The following MRPL42 variants were observed in gnomAD, a reference collection of about 807,000 sequenced individuals.
MRPL42 encodes large ribosomal subunit protein mL42.
Under a neutral mutation model 17.9 loss-of-function variants are expected in MRPL42, and 17 were observed. That is an observed-to-expected ratio of 0.95 (90% CI 0.65 to 1.42). The LOEUF (loss-of-function observed/expected upper bound fraction) is 1.42, where lower values mean the gene tolerates loss of function less well. Ranked by LOEUF, MRPL42 falls within the 40% of genes most tolerant of loss-of-function variation. The pLI is 0.00. For missense variants in MRPL42, 177 were observed against 175.2 expected (o/e 1.01, Z -0.06); for synonymous variants, 59 against 54.4 (o/e 1.08, Z -0.37).
chr12:93,479,487 AT>A lies in MRPL42; in HGVS notation c.219+18del, dbSNP rs1880354103. On this transcript the variant is annotated intron_variant, in intron 4 of 5. Transcript: ENST00000549982. ...AACACACAAAAGTATGTATGAGAAA[AT>A]TTCTTGCAGTTTTTAATTTGCTGTT... 1 of 1,574,284 alleles carries A rather than the reference AT, an allele frequency of 6.4e-7. No homozygotes were observed. The highest frequency in any genetic ancestry group is 8.7e-7 in the Non-Finnish European group (1 of 1,149,998).
In MRPL42 at chr12:93,472,957, A is replaced by G. The variant is rs79233394; in HGVS notation, c.70+3602A>G. Among the ~76,000 whole-genome samples, 1,314 of 152,308 alleles carry G rather than the reference A, an allele frequency of 8.6e-3. 15 individuals carry two copies. The highest frequency in any genetic ancestry group is 0.03 in the African/African-American group (1,268 of 41,584). ...AACAAAAACTGTGACCAAAATCTGG[A>G]TCTCCCACCTTACTTTGTCCTGTAT... On this transcript the variant is annotated intron_variant, in intron 2 of 5. Transcript: ENST00000549982.
In MRPL42 at chr12:93,507,502, A is replaced by C. The variant is rs1196667558; in HGVS notation, c.*6281A>C. The C allele has an allele frequency of 2.6e-5, 4 of 152,336 alleles. No individual in the cohort carries two copies. In the East Asian group the frequency reaches 7.7e-4, roughly 29 times the overall value. The allele number at this position is 152,336 out of a possible 1,614,324, so 9.4% of individuals were successfully genotyped here. On this transcript the variant is annotated 3_prime_UTR_variant, in exon 6 of 6. Coordinates refer to ENST00000549982, the MANE Select transcript of MRPL42 (RefSeq NM_014050.4). ...GTTCTATCTTTTAAGGGAACTTTGGATGAATCCTTGAATATCAGTTATCTA... is the reference window on the plus strand; with the variant it reads ...GTTCTATCTTTTAAGGGAACTTTGGCTGAATCCTTGAATATCAGTTATCTA...
At chr12:93,489,562 C>G (rs1953373333) in intron 5 of MRPL42, among the ~76,000 whole-genome samples, 5 of 151,836 alleles carry the variant, frequency 3.3e-5, no homozygotes, top group Admixed American at 3.3e-4. Flanking sequence ...GAGACATAGT[C>G]TTGCTCTGTC....
intron 4 of MRPL42, among the ~76,000 whole-genome samples, chr12:93,485,029 A>C (rs12826418): frequency 0.015 from 368 of 24,922 alleles, no homozygotes; most frequent in Middle Eastern, 0.031. Context: ...TATATATATA[A>C]ACAGAGATGG....
chr12:93,502,594 A>G lies in MRPL42; in HGVS notation c.*1373A>G, dbSNP rs1300010073. The G allele has an allele frequency of 6.6e-6, 1 of 152,212 alleles. No homozygotes were observed. The highest frequency in any genetic ancestry group is 1.5e-5 in the Non-Finnish European group (1 of 68,032). The allele number at this position is 152,212 out of a possible 1,614,324, so 9.4% of individuals were successfully genotyped here. A position where few individuals can be genotyped will look rare whatever the true frequency, so the allele number is the denominator to read the frequency against. Reference sequence around the variant, plus strand: ...AGTGGTTTACTTTTTCCATTAATATAAATTTCATTTGGAAAGATTAAAAAA... The same window carrying G: ...AGTGGTTTACTTTTTCCATTAATATGAATTTCATTTGGAAAGATTAAAAAA... On this transcript the variant is annotated 3_prime_UTR_variant, in exon 6 of 6. Transcript: ENST00000549982.
At position 93,487,480 on chromosome 12, in the gene MRPL42, T is replaced by C. The variant is rs188110370; in HGVS notation, c.220-17T>C. ...ATTCCCACATCTTCATGATGTTTGTTACTGATTATTTTGTAGCCTATCCCT... is the reference window on the plus strand; with the variant it reads ...ATTCCCACATCTTCATGATGTTTGTCACTGATTATTTTGTAGCCTATCCCT... On this transcript the variant is annotated splice_polypyrimidine_tract_variant and intron_variant, in intron 4 of 5. Transcript: ENST00000549982. 14 of 1,599,714 alleles carry C rather than the reference T, an allele frequency of 8.8e-6. No homozygotes were observed. The African/African-American group carries it at 1.6e-4, about 18-fold the overall frequency.
At position 93,510,061 on chromosome 12, in the gene MRPL42, C is replaced by A. The variant is rs1462555115; in HGVS notation, c.*8840C>A. The A allele has an allele frequency of 6.6e-6, 1 of 152,388 alleles. No individual in the cohort carries two copies. The highest frequency in any genetic ancestry group is 2.4e-5 in the African/African-American group (1 of 41,446). 9.4% of individuals were successfully genotyped at this position (152,388 alleles called of 1,614,324 possible). ...ATCCATCTTTATAGTCATGCAGAGTCTACACTGTCCTAAAAACCCTTGGCT... is the reference window on the plus strand; with the variant it reads ...ATCCATCTTTATAGTCATGCAGAGTATACACTGTCCTAAAAACCCTTGGCT... On this transcript the variant is annotated 3_prime_UTR_variant, in exon 6 of 6. Coordinates refer to ENST00000549982, the MANE Select transcript of MRPL42 (RefSeq NM_014050.4).
In MRPL42 at chr12:93,501,432, T is replaced by G. The variant is rs549067187; in HGVS notation, c.*211T>G. On this transcript the variant is annotated 3_prime_UTR_variant, in exon 6 of 6. Transcript: ENST00000549982. ...CTTTTTTCTTTTTCTATTTTAGTGT[T>G]TCATTTATGTGCGGTCTCCAATTTA... 21 of 341,232 alleles carry G rather than the reference T, an allele frequency of 6.2e-5. No individual in the cohort carries two copies. The East Asian group carries it at 8.9e-4, about 15-fold the overall frequency. The allele number at this position is 341,232 out of a possible 1,614,324, so 21.1% of individuals were successfully genotyped here.
rs1953717122 is a variant in MRPL42, at chr12:93,510,601, A to G, written c.*9380A>G. On this transcript the variant is annotated 3_prime_UTR_variant, in exon 6 of 6. Transcript: ENST00000549982. ...GTTCCTATTGCTCAACATCCCTGTC[A>G]GCACTTGGTGTTAGTGTTCTGAATT... is the stretch of plus-strand genomic sequence containing the variant. 1 of 152,246 alleles carries G rather than the reference A, an allele frequency of 6.6e-6. No homozygotes were observed. The highest frequency in any genetic ancestry group is 2.4e-5 in the African/African-American group (1 of 41,456). The allele number at this position is 152,246 out of a possible 1,614,324, so 9.4% of individuals were successfully genotyped here.
intron 2 of MRPL42, chr12:93,470,608 C>T: frequency 8.7e-7 from 1 of 1,149,702 alleles, no homozygotes; most frequent in Non-Finnish European, 1.1e-6. Flanking sequence ...TTCAACTCTT[C>T]CCTCCATCCC....
In MRPL42 at chr12:93,501,414, C is replaced by A. The variant is rs1308087917; in HGVS notation, c.*193C>A. On this transcript the variant is annotated 3_prime_UTR_variant, in exon 6 of 6. Coordinates refer to ENST00000549982, the MANE Select transcript of MRPL42 (RefSeq NM_014050.4). ...TTTAGAGAAACCTATTTTCTTTTTT[C>A]TTTTTCTATTTTAGTGTTTCATTTA... The A allele has an allele frequency of 2.5e-6, 1 of 392,776 alleles. No individual in the cohort carries two copies. Among genetic ancestry groups the A allele is most frequent in the Non-Finnish European group, 4.4e-6 (1 of 228,640 alleles). 24.3% of individuals were successfully genotyped at this position (392,776 alleles called of 1,614,324 possible).
chr12:93,494,773 C>CT (rs149836750), intron 5 of MRPL42, among the ~76,000 whole-genome samples: 7,738 of 152,238 alleles, frequency 0.051, 253 homozygotes, highest in South Asian at 0.14. Context: ...AGTCCAAGGA[C>CT]TGATTCTTGG....
rs570160439 is a variant in MRPL42, at chr12:93,470,275, A to G, written c.70+920A>G. Reference sequence around the variant, plus strand: ...TTTGACAGTCAAAGCATGGACCCAAATAAGTAAATAGAGTATTAAAGTCTT... The same window carrying G: ...TTTGACAGTCAAAGCATGGACCCAAGTAAGTAAATAGAGTATTAAAGTCTT... On this transcript the variant is annotated intron_variant, in intron 2 of 5. Transcript: ENST00000549982. Among the ~76,000 whole-genome samples the G allele has an allele frequency of 7.2e-4, 109 of 152,282 alleles. 1 individual carries two copies. Among genetic ancestry groups the G allele is most frequent in the African/African-American group, 2.6e-3 (106 of 41,562 alleles).
In MRPL42 at chr12:93,507,068, T is replaced by A. The variant is rs994597510; in HGVS notation, c.*5847T>A. 1 of 152,254 alleles carries A rather than the reference T, an allele frequency of 6.6e-6. No individual in the cohort carries two copies. The highest frequency in any genetic ancestry group is 1.5e-5 in the Non-Finnish European group (1 of 68,048). The allele number at this position is 152,254 out of a possible 1,614,324, so 9.4% of individuals were successfully genotyped here. A position where few individuals can be genotyped will look rare whatever the true frequency, so the allele number is the denominator to read the frequency against. ...ATTAAGGACATCTTATATGTATATT[T>A]ATGCATATACATACTGATGAAATGT... is the stretch of plus-strand genomic sequence containing the variant. On this transcript the variant is annotated 3_prime_UTR_variant, in exon 6 of 6. Coordinates refer to ENST00000549982, the MANE Select transcript of MRPL42 (RefSeq NM_014050.4).
chr12:93,479,377 C>CTT lies in MRPL42; in HGVS notation c.135-4_135-3dup, dbSNP rs200682206. 1 of 1,545,346 alleles carries CTT rather than the reference C, an allele frequency of 6.5e-7. No homozygotes were observed. ...AGTATAACTTTATTTCTAAAACATT[C>CTT]TTTTTTTTAGCAACGTAGAGCTTGC... On this transcript the variant is annotated splice_polypyrimidine_tract_variant and intron_variant, in intron 3 of 5. Transcript: ENST00000549982.
chr12:93,511,130 T>A lies in MRPL42; in HGVS notation c.*9909T>A, dbSNP rs1010849826. ...TAGTTTTACTCATAAATATAATTCT[T>A]CATATACTGAGTTCAGTTTTTTAGC... On this transcript the variant is annotated 3_prime_UTR_variant, in exon 6 of 6. Transcript: ENST00000549982. The A allele has an allele frequency of 3.3e-5, 5 of 152,210 alleles. No homozygotes were observed. Among genetic ancestry groups the A allele is most frequent in the African/African-American group, 1.2e-4 (5 of 41,458 alleles). The allele number at this position is 152,210 out of a possible 1,614,324, so 9.4% of individuals were successfully genotyped here.
At position 93,501,219 on chromosome 12, in the gene MRPL42, T is replaced by C; in HGVS notation, c.427T>C (p.Ter143ArgextTer41). ...GAATCTGAATCCTCCAAAAGACAGA[T>C]GATGCGGAGGTTCCTGGGGGAATCA... ...RKNLNPPKDR* is the reference protein window; with the variant it reads ...RKNLNPPKDRR The change falls in exon 6 of 6, where the codon TGA becomes CGA. Residue 143 changes from the stop codon to arginine, a stop_lost. Coordinates refer to ENST00000549982, the MANE Select transcript of MRPL42 (RefSeq NM_014050.4). 2 of 1,602,422 alleles carry C rather than the reference T, an allele frequency of 1.2e-6. No homozygotes were observed. Among genetic ancestry groups the C allele is most frequent in the Non-Finnish European group, 8.5e-7 (1 of 1,176,492 alleles).
intron 3 of MRPL42, among the ~76,000 whole-genome samples, chr12:93,479,073 A>G (rs1337667493): frequency 6.6e-6 from 1 of 151,706 alleles, no homozygotes; most frequent in Admixed American, 6.6e-5. Flanking sequence ...CTGGGACTAC[A>G]GGTGTGTGCC....
In MRPL42 at chr12:93,487,549, T is replaced by G; in HGVS notation, c.272T>G (p.Val91Gly). 2 of 1,613,914 alleles carry G rather than the reference T, an allele frequency of 1.2e-6. No individual in the cohort carries two copies. The highest frequency in any genetic ancestry group is 1.7e-6 in the Non-Finnish European group (2 of 1,179,822). Residue 91 changes from valine (V) to glycine (G), a missense_variant, in exon 5 of 6, where the codon GTG (valine) becomes GGG (glycine). Physicochemically the swap from Val to Gly is moderately radical, Grantham distance 109. Transcript: ENST00000549982. ...VHNNEETHDQ[V>G]LKTRLEEKVE... ...AATAATGAAGAAACACATGATCAAG[T>G]GCTGAAAACCAGATTGGAAGAAAAA...
Sources: allele counts gnomAD v4.1 joint callset (sites outside exome capture counted in the v4.1 genomes callset), GRCh38; gene constraint gnomAD v4.1.1; transcripts MANE v1.5; gene names NCBI Gene and HGNC (gene_info 2026-07-23, HGNC 2026-07-21).